CNTNAP2: variants seen among roughly 807,000 people sequenced by gnomAD.
CNTNAP2 encodes the protein contactin associated protein 2.
Under a neutral mutation model 155.2 loss-of-function variants are expected in CNTNAP2, and 98 were observed. That is an observed-to-expected ratio of 0.63 (90% CI 0.54 to 0.75). The LOEUF is 0.75. Among genes scored for constraint, CNTNAP2 ranks in the 30% least tolerant of loss-of-function variants. The pLI is 0.00. For missense variants in CNTNAP2, 1,727 were observed against 1,688.1 expected (o/e 1.02, Z -0.40); for synonymous variants, 651 against 631.2 (o/e 1.03, Z -0.47).
chr7:148,035,244 A>G (rs73168562), intron 15 of CNTNAP2, among the ~76,000 whole-genome samples: 4 of 152,368 alleles, frequency 2.6e-5, no homozygotes, highest in Non-Finnish European at 5.9e-5. Context: ...AGGGATTAGT[A>G]CAGCTAGAAA....
At chr7:146,180,130 A>G (rs921701201) in intron 1 of CNTNAP2, among the ~76,000 whole-genome samples, 5 of 152,170 alleles carry the variant, frequency 3.3e-5, no homozygotes, top group Non-Finnish European at 7.4e-5. Context: ...GGGAAAGTTT[A>G]GAAACTCTGT....
At chr7:148,152,758 C>T (rs368202855) in intron 17 of CNTNAP2, among the ~76,000 whole-genome samples, 6 of 152,246 alleles carry the variant, frequency 3.9e-5, no homozygotes, top group Non-Finnish European at 7.4e-5. Flanking sequence ...CGGCGGCTCA[C>T]GCCTGTAATC....
chr7:146,150,851 A>C (rs563642231), intron 1 of CNTNAP2, among the ~76,000 whole-genome samples: 1 of 152,244 alleles, frequency 6.6e-6, no homozygotes, highest in African/African-American at 2.4e-5. Flanking sequence ...AGAATATTTA[A>C]GATTTACTCT....
In CNTNAP2 at chr7:146,232,105, T is replaced by C. The variant is rs553020948; in HGVS notation, c.97+115132T>C. ...TCCTAGGAGAGGTTTTCCATGGCCC[T>C]GGGTCTGGACTTCACCTAGAAGGAT... On this transcript the variant is annotated intron_variant, in intron 1 of 23. Transcript: ENST00000361727. 3.3e-5 allele frequency among the ~76,000 whole-genome samples: 5 copies of C among 150,854 alleles called. No homozygotes were observed. In the East Asian group the frequency reaches 7.7e-4, roughly 23 times the overall value.
At chr7:147,366,222 AG>A (rs1796227225) in intron 9 of CNTNAP2, among the ~76,000 whole-genome samples, 1 of 152,148 alleles carries the variant, frequency 6.6e-6, no homozygotes, top group African/African-American at 2.4e-5. Context: ...TAAAGTTCAT[AG>A]GATTCTCATT....
intron 15 of CNTNAP2, among the ~76,000 whole-genome samples, chr7:148,061,311 T>G (rs543080646): frequency 6.6e-6 from 1 of 152,272 alleles, no homozygotes; most frequent in East Asian, 1.9e-4. Context: ...TAGACTTTCT[T>G]AAGTATGTAA....
At chr7:147,181,950 C>T (rs1281639923) in intron 8 of CNTNAP2, among the ~76,000 whole-genome samples, 1 of 151,762 alleles carries the variant, frequency 6.6e-6, no homozygotes, top group African/African-American at 2.4e-5. Flanking sequence ...CATGGTGAAA[C>T]CCCGTCCATA....
At chr7:146,594,743 C>T (rs1325599282) in intron 1 of CNTNAP2, among the ~76,000 whole-genome samples, 1 of 152,076 alleles carries the variant, frequency 6.6e-6, no homozygotes, top group African/African-American at 2.4e-5. Context: ...ATCTCACCTA[C>T]TCATAATAAA....
intron 1 of CNTNAP2, among the ~76,000 whole-genome samples, chr7:146,232,470 T>G (rs974783131): frequency 8.5e-5 from 13 of 152,104 alleles, no homozygotes; most frequent in Admixed American, 2.0e-4. Flanking sequence ...TCTAGCTACC[T>G]ATAGGGATAT....
At chr7:147,470,026 G>A (rs1168966480) in intron 10 of CNTNAP2, among the ~76,000 whole-genome samples, 2 of 152,142 alleles carry the variant, frequency 1.3e-5, no homozygotes, top group Admixed American at 1.3e-4. Flanking sequence ...GTGAGCAGGA[G>A]GAATTCAATA....
At chr7:147,695,501 T>C (rs1796147592) in intron 13 of CNTNAP2, among the ~76,000 whole-genome samples, 1 of 152,160 alleles carries the variant, frequency 6.6e-6, no homozygotes. Context: ...ATTTTTGCTT[T>C]AAGTATTTTT....
intron 21 of CNTNAP2, among the ~76,000 whole-genome samples, chr7:148,383,045 G>GTGAT (rs1223343011): frequency 2.0e-5 from 3 of 152,198 alleles, no homozygotes; most frequent in East Asian, 3.8e-4. Context: ...TGTGTTGTTT[G>GTGAT]TGATTGATTG....
intron 14 of CNTNAP2, among the ~76,000 whole-genome samples, chr7:147,959,428 G>T (rs916750899): frequency 4.6e-5 from 7 of 152,118 alleles, no homozygotes; most frequent in Admixed American, 1.3e-4. Context: ...GCCCATGAGG[G>T]TTCTTGGCTT....
chr7:148,158,222 C>CTTTTTTTTTTTTTTTTTTT lies in CNTNAP2; in HGVS notation c.2773+10514_2773+10532dup, dbSNP rs1224617335. ...AGTGATGATAGGTACAATGTTTGCG[C>CTTTTTTTTTTTTTTTTTTT]TTTTTTTTTTTTTTTTTTTGAGACA... On this transcript the variant is annotated intron_variant, in intron 17 of 23. Coordinates refer to ENST00000361727, the MANE Select transcript of CNTNAP2 (RefSeq NM_014141.6). 1.7e-4 allele frequency among the ~76,000 whole-genome samples: 16 copies of CTTTTTTTTTTTTTTTTTTT among 94,762 alleles called. 2 individuals are homozygous for CTTTTTTTTTTTTTTTTTTT. Among genetic ancestry groups the CTTTTTTTTTTTTTTTTTTT allele is most frequent in the African/African-American group, 4.0e-4 (8 of 20,122 alleles). 62.2% of individuals were successfully genotyped at this position (94,762 alleles called of 152,430 possible).
chr7:146,915,996 A>T (rs541498452), intron 3 of CNTNAP2: 1 of 152,122 alleles, frequency 6.6e-6, no homozygotes, highest in East Asian at 1.9e-4. Flanking sequence ...ATGTCCTTCT[A>T]TGCCGATTTT....
chr7:147,920,522 G>T (rs189929568), intron 14 of CNTNAP2, among the ~76,000 whole-genome samples: 6 of 152,274 alleles, frequency 3.9e-5, no homozygotes, highest in African/African-American at 1.2e-4. Flanking sequence ...AGGACTGGTT[G>T]TCTGTGCCTA....
rs775785799 is a variant in CNTNAP2, at chr7:147,108,373, A to G, written c.754+23A>G. On this transcript the variant is annotated intron_variant, in intron 5 of 23. Coordinates refer to ENST00000361727, the MANE Select transcript of CNTNAP2 (RefSeq NM_014141.6). ...TAGGTGTGTTCTGACTGTCAGTTCT[A>G]TTCTTTCCGTTATGGATGTTCCCAT... is the stretch of plus-strand genomic sequence containing the variant. The G allele has an allele frequency of 5.0e-6, 8 of 1,593,962 alleles. No homozygotes were observed. In the African/African-American group the frequency reaches 8.1e-5, roughly 16 times the overall value.
Position 146,550,593 on chromosome 7 carries a change from C to T in CNTNAP2, c.98-223678C>T, listed in dbSNP as rs377458893. Among the ~76,000 whole-genome samples, 10 of 151,802 alleles carry T rather than the reference C, an allele frequency of 6.6e-5. No individual in the cohort carries two copies. In the South Asian group the frequency reaches 1.0e-3, roughly 16 times the overall value. On this transcript the variant is annotated intron_variant, in intron 1 of 23. Coordinates refer to ENST00000361727, the MANE Select transcript of CNTNAP2 (RefSeq NM_014141.6). ...CCCTTTCCTTTTTCCAAAATGCCAA[C>T]AATTATTTCCCCCTGTGTATTATGA... is the stretch of plus-strand genomic sequence containing the variant.
intron 2 of CNTNAP2, among the ~76,000 whole-genome samples, chr7:146,812,696 G>A (rs1803090400): frequency 6.6e-6 from 1 of 152,094 alleles, no homozygotes; most frequent in African/African-American, 2.4e-5. Flanking sequence ...ATTTGCATAA[G>A]TAACATGGAG....
Sources: allele counts gnomAD v4.1 joint callset (sites outside exome capture counted in the v4.1 genomes callset), GRCh38; gene constraint gnomAD v4.1.1; transcripts MANE v1.5; gene names NCBI Gene and HGNC (gene_info 2026-07-23, HGNC 2026-07-21).